The following MED27 variants were observed in gnomAD, a reference collection of about 807,000 sequenced individuals.
MED27 encodes the protein mediator complex subunit 27, also known as mediator of RNA polymerase II transcription subunit 27.
Under a neutral mutation model 38.2 loss-of-function variants are expected in MED27, and 30 were observed. That is an observed-to-expected ratio of 0.79 (90% confidence interval 0.59 to 1.07). The LOEUF (loss-of-function observed/expected upper bound fraction) is 1.07, where lower values mean the gene tolerates loss of function less well. MED27 is among the 50% of genes least tolerant of loss of function. MED27 has a pLI of 0.00. For synonymous variants in MED27, 122 were observed against 153.5 expected, an observed-to-expected ratio of 0.79 and a Z score of 1.52; for missense variants, 289 against 397.5, an observed-to-expected ratio of 0.73 and a Z score of 2.32.
At chr9:131,908,318 C>A (rs1165290778) in intron 4 of MED27, among the ~76,000 whole-genome samples, 1 of 151,922 alleles carries the variant, frequency 6.6e-6, no homozygotes, top group Non-Finnish European at 1.5e-5. Context: ...TCTGCCCGGC[C>A]GCCCATACTG....
chr9:131,909,416 T>G (rs1184153738), intron 4 of MED27, among the ~76,000 whole-genome samples: 1 of 152,176 alleles, frequency 6.6e-6, no homozygotes, highest in Non-Finnish European at 1.5e-5. Context: ...TGAGCAGCAT[T>G]AGTGTGGACT....
rs1039387684 is a variant in MED27, at chr9:132,079,828, T to A, written c.17A>T (p.Asn6Ile). The A allele has an allele frequency of 2.6e-5, 41 of 1,599,308 alleles. No homozygotes were observed. Among genetic ancestry groups the A allele is most frequent in the Non-Finnish European group, 3.3e-5 (39 of 1,172,916 alleles). ...AAAGGCCTCCAGGTTCACACTGACA[T>A]TTATCACGTCCGCCATGTTGCCGCC... The part of the protein sequence containing the change: MADVI[N>I]VSVNLEAFSQ... Residue 6 changes from asparagine to isoleucine, a missense_variant, in exon 1 of 8, where the codon AAT becomes ATT. Coordinates refer to ENST00000292035, the MANE Select transcript of MED27 (RefSeq NM_004269.4).
chr9:131,924,217 C>T (rs1830444105), intron 4 of MED27, among the ~76,000 whole-genome samples: 1 of 152,140 alleles, frequency 6.6e-6, no homozygotes, highest in African/African-American at 2.4e-5. Context: ...GGGCGTTTCC[C>T]CACAGCCTTT....
At chr9:131,901,215 T>C (rs1829941016) in intron 4 of MED27, among the ~76,000 whole-genome samples, 1 of 152,198 alleles carries the variant, frequency 6.6e-6, no homozygotes, top group African/African-American at 2.4e-5. Context: ...CTTTTCTCTT[T>C]GTACTAATTC....
intron 5 of MED27, among the ~76,000 whole-genome samples, chr9:131,891,851 G>A (rs183110898): frequency 1.1e-3 from 161 of 152,274 alleles, no homozygotes; most frequent in Non-Finnish European, 1.5e-3. Context: ...AGGAGCGAGA[G>A]GGGTGGAGAG....
At chr9:131,885,596 GT>G (rs1159386923) in intron 5 of MED27, among the ~76,000 whole-genome samples, 1 of 152,158 alleles carries the variant, frequency 6.6e-6, no homozygotes, top group Non-Finnish European at 1.5e-5. Context: ...AGTAAACCCA[GT>G]CCAGTCCTCC....
intron 2 of MED27, among the ~76,000 whole-genome samples, chr9:132,069,612 T>C (rs1301206441): frequency 6.6e-6 from 1 of 152,234 alleles, no homozygotes; most frequent in East Asian, 1.9e-4. Context: ...AAAGGCTGTG[T>C]GTACTTCAGA....
intron 3 of MED27, among the ~76,000 whole-genome samples, chr9:131,942,832 G>A (rs973842471): frequency 1.3e-5 from 2 of 152,176 alleles, no homozygotes; most frequent in African/African-American, 4.8e-5. Flanking sequence ...AACTTTGCTT[G>A]CTTTTAGTAA....
At chr9:132,050,492 C>T (rs1833440896) in intron 2 of MED27, among the ~76,000 whole-genome samples, 1 of 152,184 alleles carries the variant, frequency 6.6e-6, no homozygotes, top group Non-Finnish European at 1.5e-5. Context: ...CCAATGAAGA[C>T]AGTCGCTCTG....
chr9:131,980,109 G>A (rs1831697020), intron 3 of MED27, among the ~76,000 whole-genome samples: 1 of 149,558 alleles, frequency 6.7e-6, no homozygotes, highest in Non-Finnish European at 1.5e-5. Flanking sequence ...ATATGTGTGT[G>A]TGTATATATG....
intron 5 of MED27, among the ~76,000 whole-genome samples, chr9:131,884,673 T>A (rs1180031716): frequency 2.0e-5 from 3 of 150,514 alleles, no homozygotes; most frequent in African/African-American, 7.4e-5. Context: ...AGTGGCGTGA[T>A]CTCAGCTCAC....
intron 2 of MED27, among the ~76,000 whole-genome samples, chr9:132,068,002 T>TTC (rs1440339411): frequency 1.3e-5 from 2 of 152,218 alleles, no homozygotes; most frequent in Non-Finnish European, 2.9e-5. Flanking sequence ...TAGGTCATTA[T>TTC]TCTCTCACTT....
intron 2 of MED27, among the ~76,000 whole-genome samples, chr9:132,036,454 G>A (rs1181987248): frequency 6.6e-6 from 1 of 152,058 alleles, no homozygotes; most frequent in Non-Finnish European, 1.5e-5. Context: ...CTCCCACCTT[G>A]GCCTCCCAAA....
At chr9:132,048,521 C>G (rs1833395318) in intron 2 of MED27, among the ~76,000 whole-genome samples, 1 of 152,200 alleles carries the variant, frequency 6.6e-6, no homozygotes, top group Non-Finnish European at 1.5e-5. Flanking sequence ...AGCTGTCACA[C>G]AGAACGCCAC....
Position 132,073,408 on chromosome 9 carries a change from A to C in MED27, c.348+4034T>G, listed in dbSNP as rs115312656. 211 of 1,071,602 alleles carry C rather than the reference A, an allele frequency of 2.0e-4. 1 individual carries two copies. In the African/African-American group the frequency reaches 3.2e-3, roughly 16 times the overall value. The allele number at this position is 1,071,602 out of a possible 1,614,324, so 66.4% of individuals were successfully genotyped here. A position where few individuals can be genotyped will look rare whatever the true frequency, so the allele number is the denominator to read the frequency against. ...CAGTGAATCTTCACTGAATGATTAC[A>C]GTGTACCAGGCGCCTTGCTAGTTGC... On this transcript the variant is annotated intron_variant, in intron 2 of 7. Transcript: ENST00000292035.
At chr9:132,057,422 T>G (rs1450596380) in intron 2 of MED27, among the ~76,000 whole-genome samples, 1 of 152,198 alleles carries the variant, frequency 6.6e-6, no homozygotes, top group Non-Finnish European at 1.5e-5. Flanking sequence ...TAATCACATA[T>G]GGAGGCAGCC....
At position 131,917,339 on chromosome 9, in the gene MED27, C is replaced by T. The variant is rs551868814; in HGVS notation, c.573+22042G>A. On this transcript the variant is annotated intron_variant, in intron 4 of 7. Transcript: ENST00000292035. This position sits in a 1 kb window ranked among gnomAD's most constrained non-coding sequence, Gnocchi z 4.6. ...GAAGAGGAGAAAGGTCAACTGAGGC[C>T]GGGTTATACAGACCATGTACACCAC... 1.3e-5 allele frequency among the ~76,000 whole-genome samples: 2 copies of T among 152,000 alleles called. No homozygotes were observed. The highest frequency in any genetic ancestry group is 2.9e-5 in the Non-Finnish European group (2 of 67,988).
At chr9:131,967,723 A>G (rs1206819722) in intron 3 of MED27, among the ~76,000 whole-genome samples, 2 of 150,730 alleles carry the variant, frequency 1.3e-5, no homozygotes, top group African/African-American at 4.9e-5. Context: ...GCTGGTCTCA[A>G]ACTCCCGACC....
intron 5 of MED27, among the ~76,000 whole-genome samples, chr9:131,893,351 G>C (rs1290800979): frequency 6.6e-6 from 1 of 152,084 alleles, no homozygotes; most frequent in East Asian, 1.9e-4. Flanking sequence ...AAGGAATTAG[G>C]GGTTCACAAG....
Sources: gnomAD v4.1 joint callset for allele counts (sites outside exome capture counted in the v4.1 genomes callset) on GRCh38, gnomAD v4.1.1 for gene constraint, Gnocchi (gnomAD v3.1) non-coding constraint, MANE v1.5 for transcripts, NCBI Gene and HGNC (gene_info 2026-07-23, HGNC 2026-07-21) for gene names.